Variants in PFKL observed in about 807,000 individuals in gnomAD.
PFKL encodes the protein ATP-dependent 6-phosphofructokinase, liver type.
A neutral mutation model predicts 92.1 loss-of-function variants in PFKL; 74 were observed. That is an observed-to-expected ratio of 0.80 (90% CI 0.67 to 0.97). The LOEUF is 0.97. Among genes scored for constraint, PFKL ranks in the 50% least tolerant of loss-of-function variants. PFKL has a pLI of 0.00. For synonymous variants in PFKL, 494 were observed against 456.4 expected (o/e 1.08, Z -1.05); for missense variants, 1,028 against 1,116.6 (o/e 0.92, Z 1.13).
intron 1 of PFKL, chr21:44,305,955 T>TGGGGC: frequency 7.5e-7 from 1 of 1,329,198 alleles, no homozygotes; most frequent in Non-Finnish European, 9.9e-7. Context: ...CCTGAGGCCC[T>TGGGGC]GGGGCAGGGC....
intron 19 of PFKL, 114 bp downstream of exon 19, chr21:44,325,378 C>A: frequency 1.4e-6 from 1 of 704,336 alleles, no homozygotes. Flanking sequence ...CCGGCAGGCC[C>A]TCGGGCACGT....
chr21:44,318,195 G>A (rs1032715489), intron 9 of PFKL, among the ~76,000 whole-genome samples: 3 of 152,236 alleles, frequency 2.0e-5, no homozygotes, highest in East Asian at 3.9e-4. Flanking sequence ...CGATGGCAGC[G>A]AGCGACGGTG....
intron 7 of PFKL, chr21:44,315,339 G>A (rs1182517149): frequency 4.6e-5 from 7 of 152,360 alleles, no homozygotes; most frequent in Non-Finnish European, 8.8e-5. Flanking sequence ...TGTAACATGC[G>A]GGTTCCCGCC....
chr21:44,326,015 G>A lies in PFKL; in HGVS notation c.2044G>A (p.Ala682Thr), dbSNP rs757262520. The A allele has an allele frequency of 1.9e-6, 3 of 1,613,920 alleles. No homozygotes were observed. The South Asian group carries it at 3.3e-5, about 18-fold the overall frequency. The stretch of plus-strand genomic sequence containing the variant: ...CTATGGGACCAAGCTGGGGGTGAAG[G>A]CCATGCTGTGGTTGTCGGAGAAGCT... ...RNYGTKLGVK[A>T]MLWLSEKLRE... Residue 682 changes from alanine to threonine, a missense_variant, in exon 20 of 22, where the codon GCC becomes ACC. By Grantham distance (58) the Ala-to-Thr change is moderately conservative. Coordinates refer to ENST00000349048, the MANE Select transcript of PFKL (RefSeq NM_002626.6).
chr21:44,319,527 C>G, intron 11 of PFKL, 112 bp downstream of exon 11: 2 of 925,592 alleles, frequency 2.2e-6, no homozygotes, highest in East Asian at 2.4e-5. Context: ...TTCTAGGCAC[C>G]GCGTCTGAAG....
chr21:44,304,246 T>C, intron 1 of PFKL: 15 of 1,289,204 alleles, frequency 1.2e-5, no homozygotes, highest in Non-Finnish European at 1.5e-5. Flanking sequence ...TGCTGACCCC[T>C]GATCCTGGGG....
rs773166574 is a variant in PFKL, at chr21:44,324,620, G to T, written c.1780G>T (p.Val594Phe). 1 of 1,608,248 alleles carries T rather than the reference G, an allele frequency of 6.2e-7. No homozygotes were observed. The highest frequency in any genetic ancestry group is 1.1e-5 in the South Asian group (1 of 90,498). The change falls in exon 17 of 22, where the codon GTC becomes TTC. Residue 594 changes from valine (V) to phenylalanine (F), a missense_variant. Val to Phe is a conservative substitution (Grantham distance 50, BLOSUM62 -1). Coordinates refer to ENST00000349048, the MANE Select transcript of PFKL (RefSeq NM_002626.6). The stretch of plus-strand genomic sequence containing the variant: ...TGCTGTGGGGGCCGACGCCGCCTAC[G>T]TCTTCGAGGACCCTTTCAACATCCA... ...GIAVGADAAYVFEDPFNIHDL... is the reference protein window; with the variant it reads ...GIAVGADAAYFFEDPFNIHDL...
chr21:44,311,746 G>T (rs2047053710), intron 3 of PFKL, among the ~76,000 whole-genome samples: 1 of 152,196 alleles, frequency 6.6e-6, no homozygotes, highest in African/African-American at 2.4e-5. Context: ...AGCCCTGGAG[G>T]CCCTGGCCGG....
chr21:44,312,311 C>T lies in PFKL; in HGVS notation c.427+17C>T, dbSNP rs368994392. ...TGGCGGAAGGTGGGTCTGTGCCCGG[C>T]GCACTGTAGGCCCTGGGGTTTTGTT... On this transcript the variant is annotated intron_variant, in intron 4 of 21. Transcript: ENST00000349048. 77 of 1,570,854 alleles carry T rather than the reference C, an allele frequency of 4.9e-5. No individual in the cohort carries two copies. Among genetic ancestry groups the T allele is most frequent in the East Asian group, 7.2e-5 (3 of 41,494 alleles).
chr21:44,313,215 T>C (rs1243005689), intron 5 of PFKL, 72 bp downstream of exon 5: 5 of 1,538,338 alleles, frequency 3.3e-6, no homozygotes. Context: ...GGTCTCAGGG[T>C]GACGGCCATC....
chr21:44,325,612 G>C (rs2047484381), intron 19 of PFKL: 1 of 491,296 alleles, frequency 2.0e-6, no homozygotes, highest in Non-Finnish European at 3.7e-6. Flanking sequence ...CCCGCGTCCT[G>C]GGGTTTTCTG....
At chr21:44,308,743 G>A (rs2041028365) in intron 2 of PFKL, among the ~76,000 whole-genome samples, 1 of 151,982 alleles carries the variant, frequency 6.6e-6, no homozygotes, top group Non-Finnish European at 1.5e-5. Context: ...TGTATTTTTA[G>A]TAGAGACGGG....
intron 1 of PFKL, among the ~76,000 whole-genome samples, chr21:44,306,178 A>T (rs1394594064): frequency 1.3e-5 from 1 of 77,264 alleles, no homozygotes; most frequent in Non-Finnish European, 2.6e-5. Flanking sequence ...CCCACTTTTT[A>T]TCCTGCTCTG....
chr21:44,316,385 GC>G (rs749106406), intron 8 of PFKL, 46 bp downstream of exon 8: 1 of 1,611,780 alleles, frequency 6.2e-7, no homozygotes, highest in Admixed American at 1.7e-5. Flanking sequence ...GCTCCTCTAG[GC>G]CGTGTGGGCT....
At position 44,326,831 on chromosome 21, in the gene PFKL, G is replaced by C; in HGVS notation, c.2312G>C (p.Arg771Pro). ...TCAGGGGAGCTGGAGCACGTGACCC[G>C]CCGCACCCTGAGCATGGACAAGGGC... is the stretch of plus-strand genomic sequence containing the variant. Reference protein sequence around the residue: ...YVSGELEHVTRRTLSMDKGF With the variant: ...YVSGELEHVTPRTLSMDKGF The change falls in exon 22 of 22, where the codon CGC becomes CCC. Residue 771 changes from arginine to proline, a missense_variant. Transcript: ENST00000349048. The C allele has an allele frequency of 6.2e-7, 1 of 1,609,922 alleles. No homozygotes were observed. Among genetic ancestry groups the C allele is most frequent in the Non-Finnish European group, 8.5e-7 (1 of 1,178,730 alleles).
chr21:44,323,580 C>T (rs1040413948), intron 15 of PFKL, among the ~76,000 whole-genome samples, 186 bp from the exon 16 acceptor site: 1 of 152,130 alleles, frequency 6.6e-6, no homozygotes, highest in African/African-American at 2.4e-5. Context: ...GGTAGGCATC[C>T]TGAGATGACA....
At position 44,323,049 on chromosome 21, in the gene PFKL, G is replaced by A; in HGVS notation, c.1497G>A (p.Glu499=). The change falls in exon 15 of 22, where the codon GAG becomes GAA. Residue 499 remains glutamate (E), a splice_region_variant and synonymous_variant. Coordinates refer to ENST00000349048, the MANE Select transcript of PFKL (RefSeq NM_002626.6). ...CCCTGCTGGTGGTCGGTGGGTTTGA[G>A]GTGAGAGCTGCCCACGGACGAAAAA... The part of the protein sequence containing the change: ...IHALLVVGGF[E]AYEGVLQLVE... 1 of 1,610,908 alleles carries A rather than the reference G, an allele frequency of 6.2e-7. No homozygotes were observed. Among genetic ancestry groups the A allele is most frequent in the Non-Finnish European group, 8.5e-7 (1 of 1,178,424 alleles).
chr21:44,313,474 C>G (rs2047114601), intron 5 of PFKL, among the ~76,000 whole-genome samples, 164 bp from the exon 6 acceptor site: 1 of 152,244 alleles, frequency 6.6e-6, no homozygotes, highest in Non-Finnish European at 1.5e-5. Flanking sequence ...AGCCCAAAGG[C>G]TGGAAGGATC....
Position 44,324,906 on chromosome 21 carries a change from C to T in PFKL, c.1866C>T (p.Gly622=), listed in dbSNP as rs181068835. The part of the protein sequence containing the change: ...TEKMKTDIQR[G]LVLRNEKCHD... ...AGATGAAGACAGACATTCAGAGGGG[C>T]CTGGTGCTGCGGTGAGGCTGCCGTG... Residue 622 remains glycine (G), a synonymous_variant, in exon 18 of 22, where the codon GGC becomes GGT. Transcript: ENST00000349048. 336 of 1,606,976 alleles carry T rather than the reference C, an allele frequency of 2.1e-4. 4 individuals are homozygous for T. The East Asian group carries it at 7.3e-3, about 35-fold the overall frequency.
Sources: allele counts gnomAD v4.1 joint callset (sites outside exome capture counted in the v4.1 genomes callset), GRCh38; gene constraint gnomAD v4.1.1; transcripts MANE v1.5; gene names NCBI Gene and HGNC (gene_info 2026-07-23, HGNC 2026-07-21).